GNG12: variants seen among roughly 807,000 people sequenced by gnomAD.
GNG12 encodes the protein G protein subunit gamma 12, also known as guanine nucleotide-binding protein G(I)/G(S)/G(O) subunit gamma-12.
For missense variants in GNG12, 69 were observed against 83.8 expected (o/e 0.82, Z 0.69); for synonymous variants, 28 against 29.7 (o/e 0.94, Z 0.19).
intron 2 of GNG12, among the ~76,000 whole-genome samples, chr1:67,738,266 A>AT (rs950426603): frequency 3.3e-5 from 5 of 152,120 alleles, no homozygotes; most frequent in South Asian, 2.1e-4. Context: ...CCAGATTTCA[A>AT]TTTTTTTTGT....
chr1:67,820,748 A>C (rs1010934544), intron 1 of GNG12, among the ~76,000 whole-genome samples: 2 of 152,198 alleles, frequency 1.3e-5, no homozygotes, highest in Non-Finnish European at 2.9e-5. Flanking sequence ...AGTATTCCCT[A>C]GCTCAGCTAC....
intron 2 of GNG12, among the ~76,000 whole-genome samples, chr1:67,727,904 C>A (rs1646396151): frequency 6.6e-6 from 1 of 152,170 alleles, no homozygotes; most frequent in Non-Finnish European, 1.5e-5. Flanking sequence ...TTGGAAAAAA[C>A]AGAACCTTTT....
intron 2 of GNG12, among the ~76,000 whole-genome samples, chr1:67,733,199 A>G (rs1346645465): frequency 6.6e-6 from 1 of 152,150 alleles, no homozygotes; most frequent in Non-Finnish European, 1.5e-5. Flanking sequence ...ATCACAAGCC[A>G]CCAGTATTTA....
chr1:67,728,586 A>G (rs555732996), intron 2 of GNG12, among the ~76,000 whole-genome samples: 2 of 152,288 alleles, frequency 1.3e-5, no homozygotes, highest in Non-Finnish European at 2.9e-5. Flanking sequence ...GGTGAACCTT[A>G]GAGGTGGCAC....
At chr1:67,751,190 C>T (rs1473750659) in intron 2 of GNG12, among the ~76,000 whole-genome samples, 1 of 133,844 alleles carries the variant, frequency 7.5e-6, no homozygotes, top group Non-Finnish European at 1.5e-5. Context: ...TACAGACACA[C>T]ACACACACAC....
At chr1:67,707,966 C>A (rs1033018155) in intron 2 of GNG12, among the ~76,000 whole-genome samples, 4 of 152,192 alleles carry the variant, frequency 2.6e-5, no homozygotes, top group African/African-American at 2.4e-5. Flanking sequence ...TGCACCCCAA[C>A]ATATAACACA....
At chr1:67,826,548 A>G (rs1570579708) in intron 1 of GNG12, among the ~76,000 whole-genome samples, 1 of 152,172 alleles carries the variant, frequency 6.6e-6, no homozygotes, top group Non-Finnish European at 1.5e-5. Context: ...ATGAAGCCCC[A>G]TGGTCTAATG....
chr1:67,764,728 G>A (rs1020369387), intron 2 of GNG12, among the ~76,000 whole-genome samples: 3 of 152,150 alleles, frequency 2.0e-5, no homozygotes, highest in African/African-American at 4.8e-5. Context: ...TTCAATAACC[G>A]GGGTGGTGGC....
chr1:67,727,591 A>G (rs1646394048), intron 2 of GNG12, among the ~76,000 whole-genome samples: 1 of 152,150 alleles, frequency 6.6e-6, no homozygotes, highest in Admixed American at 6.6e-5. Context: ...TATAACTGAA[A>G]ACGATTCCCA....
chr1:67,822,290 C>CT (rs1646988945), intron 1 of GNG12, among the ~76,000 whole-genome samples: 1 of 152,004 alleles, frequency 6.6e-6, no homozygotes, highest in South Asian at 2.1e-4. Context: ...TTGGACACCC[C>CT]TGGGCTAGGG....
At chr1:67,794,818 C>T (rs1274667813) in intron 1 of GNG12, among the ~76,000 whole-genome samples, 1 of 152,156 alleles carries the variant, frequency 6.6e-6, no homozygotes, top group Non-Finnish European at 1.5e-5. Context: ...GCACAGAGGC[C>T]CTTCGGCTTT....
chr1:67,806,324 T>C (rs1646894324), intron 1 of GNG12, among the ~76,000 whole-genome samples: 1 of 152,190 alleles, frequency 6.6e-6, no homozygotes, highest in African/African-American at 2.4e-5. Flanking sequence ...TTTATGTGCA[T>C]ACATACAATT....
chr1:67,771,927 A>T (rs1186295491), intron 2 of GNG12, among the ~76,000 whole-genome samples: 1 of 152,248 alleles, frequency 6.6e-6, no homozygotes, highest in Non-Finnish European at 1.5e-5. Context: ...AATTTAATGC[A>T]ACATGCTCAG....
At chr1:67,822,443 G>A (rs1165253117) in intron 1 of GNG12, among the ~76,000 whole-genome samples, 1 of 151,998 alleles carries the variant, frequency 6.6e-6, no homozygotes. Flanking sequence ...CCCCTTCTAG[G>A]TACTGGACCA....
chr1:67,812,413 T>C (rs938374374), intron 1 of GNG12, among the ~76,000 whole-genome samples: 2 of 152,236 alleles, frequency 1.3e-5, no homozygotes, highest in Non-Finnish European at 2.9e-5. Flanking sequence ...GGGCAGACTA[T>C]GTGCCCTGCT....
At chr1:67,795,135 C>A (rs1282269037) in intron 1 of GNG12, among the ~76,000 whole-genome samples, 2 of 152,218 alleles carry the variant, frequency 1.3e-5, no homozygotes, top group Non-Finnish European at 2.9e-5. Context: ...CTATCCCATG[C>A]AGCTTCAAAC....
intron 2 of GNG12, among the ~76,000 whole-genome samples, chr1:67,754,277 C>T (rs920475866): frequency 1.4e-4 from 22 of 152,106 alleles, no homozygotes; most frequent in African/African-American, 5.1e-4. Flanking sequence ...CACTAAGCCC[C>T]GGTCATACCT....
rs574310661 is a variant in GNG12 at position 67,786,661 on chromosome 1, G to A, written c.-76-9154C>T. On this transcript the variant is annotated intron_variant, in intron 1 of 3. Transcript: ENST00000370982. Reference sequence around the variant, plus strand: ...CTCTGGGCCAGATGCAGTAGCTCACGCCTGTAATACCAGCACTCTGGGAGG... The same window carrying A: ...CTCTGGGCCAGATGCAGTAGCTCACACCTGTAATACCAGCACTCTGGGAGG... Among the ~76,000 whole-genome samples, 177 of 152,162 alleles carry A rather than the reference G, an allele frequency of 1.2e-3. 2 individuals carry two copies. The highest frequency in any genetic ancestry group is 4.1e-3 in the African/African-American group (171 of 41,526).
intron 2 of GNG12, among the ~76,000 whole-genome samples, chr1:67,759,171 A>T (rs954602884): frequency 8.5e-5 from 13 of 152,200 alleles, no homozygotes; most frequent in Non-Finnish European, 1.9e-4. Flanking sequence ...ATACAACAAT[A>T]AAAAATGTTT....
Sources: gnomAD v4.1 joint callset for allele counts (sites outside exome capture counted in the v4.1 genomes callset) on GRCh38, gnomAD v4.1.1 for gene constraint, MANE v1.5 for transcripts, NCBI Gene and HGNC (gene_info 2026-07-23, HGNC 2026-07-21) for gene names.